The following CDYL2 variants were observed in gnomAD, a reference collection of about 807,000 sequenced individuals.
CDYL2 encodes chromodomain Y like 2.
A neutral mutation model predicts 49.4 loss-of-function variants in CDYL2; 23 were observed. That is an observed-to-expected ratio of 0.47 (90% CI 0.34 to 0.66). CDYL2 has a LOEUF of 0.66. CDYL2 is among the 30% of genes least tolerant of loss of function. The pLI is 0.01. For synonymous variants in CDYL2, 360 were observed against 268.8 expected (o/e 1.34, Z -3.32); for missense variants, 678 against 656.4 (o/e 1.03, Z -0.36).
intron 1 of CDYL2, among the ~76,000 whole-genome samples, chr16:80,749,993 C>A (rs1906074795): frequency 6.6e-6 from 1 of 151,820 alleles, no homozygotes; most frequent in Non-Finnish European, 1.5e-5. Flanking sequence ...GGACAGAAAA[C>A]CAAACACCAC....
chr16:80,759,122 A>ATATATATATATATATATATATGGTTTT (rs1567597502), intron 1 of CDYL2, among the ~76,000 whole-genome samples: 38 of 127,826 alleles, frequency 3.0e-4, no homozygotes, highest in African/African-American at 1.3e-3. Context: ...ATATATATAT[A>ATATATATATATATATATATATGGTTTT]TATATATATA....
intron 4 of CDYL2, 84 bp downstream of exon 4, chr16:80,620,679 A>G: frequency 7.7e-7 from 1 of 1,299,602 alleles, no homozygotes; most frequent in Non-Finnish European, 1.0e-6. Flanking sequence ...GTTGTTTGAA[A>G]TTCGAATTTA....
chr16:80,738,266 C>G (rs878967963), intron 1 of CDYL2, among the ~76,000 whole-genome samples: 1 of 152,150 alleles, frequency 6.6e-6, no homozygotes, highest in Non-Finnish European at 1.5e-5. Flanking sequence ...CAGTCTATCA[C>G]TGGTGGGCAT....
chr16:80,706,973 T>A (rs1904426219), intron 1 of CDYL2, among the ~76,000 whole-genome samples: 1 of 152,022 alleles, frequency 6.6e-6, no homozygotes, highest in Non-Finnish European at 1.5e-5. Flanking sequence ...CAAGCAGACA[T>A]TTTCCACCCA....
chr16:80,622,147 G>A (rs1235604915), intron 3 of CDYL2, among the ~76,000 whole-genome samples: 1 of 152,148 alleles, frequency 6.6e-6, no homozygotes, highest in Non-Finnish European at 1.5e-5. Flanking sequence ...CCACTATCTG[G>A]CCATGGCCTT....
chr16:80,713,257 A>G (rs1045513262), intron 1 of CDYL2, among the ~76,000 whole-genome samples: 4 of 152,214 alleles, frequency 2.6e-5, no homozygotes, highest in Non-Finnish European at 4.4e-5. Flanking sequence ...ATAAATATGT[A>G]GCTGGATGAA....
chr16:80,801,759 T>A (rs190765285), intron 1 of CDYL2, among the ~76,000 whole-genome samples: 32 of 152,320 alleles, frequency 2.1e-4, no homozygotes, highest in African/African-American at 6.5e-4. Flanking sequence ...ATATGCTACT[T>A]TTTACCCACA....
chr16:80,680,522 T>G (rs1032696461), intron 2 of CDYL2, among the ~76,000 whole-genome samples: 1 of 152,182 alleles, frequency 6.6e-6, no homozygotes, highest in African/African-American at 2.4e-5. Flanking sequence ...TTTAGACGAG[T>G]GCTAAGCAGT....
intron 1 of CDYL2, among the ~76,000 whole-genome samples, chr16:80,724,089 G>A (rs537580167): frequency 6.7e-6 from 1 of 149,132 alleles, no homozygotes; most frequent in African/African-American, 2.5e-5. Context: ...GAAAAGAGGA[G>A]AGGAAGGAAA....
chr16:80,728,220 A>G (rs1185116391), intron 1 of CDYL2, among the ~76,000 whole-genome samples: 1 of 152,066 alleles, frequency 6.6e-6, no homozygotes, highest in Non-Finnish European at 1.5e-5. Context: ...ACGAATGTAT[A>G]ACTAGAATAA....
chr16:80,778,947 T>A (rs1907178214), intron 1 of CDYL2, among the ~76,000 whole-genome samples: 1 of 152,104 alleles, frequency 6.6e-6, no homozygotes, highest in South Asian at 2.1e-4. Context: ...ACCATATCCC[T>A]ACTTCACATA....
intron 1 of CDYL2, among the ~76,000 whole-genome samples, chr16:80,714,309 A>G (rs1429221851): frequency 6.6e-6 from 1 of 152,060 alleles, no homozygotes; most frequent in East Asian, 1.9e-4. Context: ...ATCAAGAAAA[A>G]AAAAGCTGCA....
chr16:80,758,313 A>ATAATAACTACAATAATAAACAAAAG, intron 1 of CDYL2, among the ~76,000 whole-genome samples: 1 of 149,026 alleles, frequency 6.7e-6, no homozygotes, highest in Non-Finnish European at 1.5e-5. Context: ...TATAGAAGTA[A>ATAATAACTACAATAATAAACAAAAG]TAATAACTAC....
chr16:80,762,375 G>C (rs774770460), intron 1 of CDYL2, among the ~76,000 whole-genome samples: 2 of 152,112 alleles, frequency 1.3e-5, no homozygotes, highest in Admixed American at 6.6e-5. Context: ...AGGCTTCAAC[G>C]GGAGCAAACC....
intron 3 of CDYL2, among the ~76,000 whole-genome samples, chr16:80,632,084 T>C (rs1382498402): frequency 6.6e-6 from 1 of 152,070 alleles, no homozygotes; most frequent in Non-Finnish European, 1.5e-5. Flanking sequence ...CCAAGAAACC[T>C]GAAAATATAT....
At chr16:80,625,998 T>A (rs998378857) in intron 3 of CDYL2, among the ~76,000 whole-genome samples, 3 of 152,056 alleles carry the variant, frequency 2.0e-5, no homozygotes, top group South Asian at 2.1e-4. Context: ...CTGCAAGGAA[T>A]AATAACCAGC....
At chr16:80,710,144 G>C (rs1157377870) in intron 1 of CDYL2, among the ~76,000 whole-genome samples, 1 of 152,072 alleles carries the variant, frequency 6.6e-6, no homozygotes, top group East Asian at 1.9e-4. Context: ...GGCCAGGCTG[G>C]TCTCGAACTC....
At chr16:80,743,224 C>G (rs906510319) in intron 1 of CDYL2, among the ~76,000 whole-genome samples, 3 of 152,170 alleles carry the variant, frequency 2.0e-5, no homozygotes, top group African/African-American at 7.2e-5. Context: ...AACAATTACA[C>G]AGCAAAACCC....
chr16:80,648,505 TA>T (rs1379228925), intron 2 of CDYL2, among the ~76,000 whole-genome samples: 3 of 151,928 alleles, frequency 2.0e-5, no homozygotes, highest in African/African-American at 7.3e-5. Context: ...ACAGCCATAA[TA>T]AAAAGTCTCC....
Sources: gnomAD v4.1 joint callset for allele counts (sites outside exome capture counted in the v4.1 genomes callset) on GRCh38, gnomAD v4.1.1 for gene constraint, MANE v1.5 for transcripts, NCBI Gene and HGNC (gene_info 2026-07-23, HGNC 2026-07-21) for gene names.